The following CFAP70 variants were observed in gnomAD, a reference collection of about 807,000 sequenced individuals.
CFAP70 encodes cilia- and flagella-associated protein 70.
A neutral mutation model predicts 137.6 loss-of-function variants in CFAP70; 81 were observed. That is an observed-to-expected ratio of 0.59 (90% CI 0.49 to 0.71). The LOEUF is 0.71. Among genes scored for constraint, CFAP70 ranks in the 30% least tolerant of loss-of-function variants. The probability of loss-of-function intolerance (pLI) is 0.00; values close to 1 mark genes in which losing one functional copy is unlikely to be tolerated. For missense variants in CFAP70, 976 were observed against 1,226.7 expected (o/e 0.80, Z 3.05); for synonymous variants, 382 against 423.6 (o/e 0.90, Z 1.20).
chr10:73,267,954 G>T (rs763883110), intron 25 of CFAP70, among the ~76,000 whole-genome samples: 1 of 152,172 alleles, frequency 6.6e-6, no homozygotes, highest in Non-Finnish European at 1.5e-5. Context: ...TCAAGCCAGA[G>T]ATGCTATACT....
intron 5 of CFAP70, among the ~76,000 whole-genome samples, chr10:73,344,698 TG>T (rs2053563613): frequency 6.6e-6 from 1 of 152,186 alleles, no homozygotes. Flanking sequence ...CCTAGAAATT[TG>T]GCCTAAGAAA....
chr10:73,288,641 G>A (rs1425591943), intron 19 of CFAP70, among the ~76,000 whole-genome samples: 1 of 152,170 alleles, frequency 6.6e-6, no homozygotes, highest in Admixed American at 6.5e-5. Context: ...AGGACAGTTA[G>A]TTCAACCAGC....
intron 9 of CFAP70, among the ~76,000 whole-genome samples, chr10:73,315,648 T>C (rs2050281563): frequency 1.3e-5 from 2 of 152,132 alleles, no homozygotes; most frequent in South Asian, 2.1e-4. Context: ...GCAGCCTTGA[T>C]TGCCTGCTGG....
At chr10:73,315,463 T>A (rs1305344754) in intron 9 of CFAP70, among the ~76,000 whole-genome samples, 1 of 152,212 alleles carries the variant, frequency 6.6e-6, no homozygotes, top group Admixed American at 6.5e-5. Context: ...TTCACATATA[T>A]GTCTTCGTGT....
intron 4 of CFAP70, among the ~76,000 whole-genome samples, chr10:73,346,132 C>T (rs1239220067): frequency 6.6e-6 from 1 of 151,666 alleles, no homozygotes; most frequent in Admixed American, 6.6e-5. Flanking sequence ...CTCCTGACCT[C>T]GTGATCCAGC....
Position 73,254,987 on chromosome 10 carries a change from G to C in CFAP70, c.3076-932C>G, listed in dbSNP as rs547735631. ...ATTCATAACTAATAGAACAGGCCAG[G>C]CATGTTGGCCCCCACCTGTAATTCC... On this transcript the variant is annotated intron_variant, in intron 26 of 26. Coordinates refer to ENST00000310715, the Ensembl canonical transcript of CFAP70. 5.3e-5 allele frequency among the ~76,000 whole-genome samples: 8 copies of C among 152,304 alleles called. No homozygotes were observed. The South Asian group carries it at 1.7e-3, about 32-fold the overall frequency.
intron 2 of CFAP70, among the ~76,000 whole-genome samples, chr10:73,354,009 A>G (rs984553623): frequency 1.3e-5 from 2 of 150,374 alleles, no homozygotes; most frequent in Admixed American, 1.3e-4. Context: ...ACTGTGGAAC[A>G]TTTTTTTTTC....
Position 73,255,531 on chromosome 10 carries a change from G to A in CFAP70, c.3075+838C>T, listed in dbSNP as rs184873947. Among the ~76,000 whole-genome samples, 36 of 152,306 alleles carry A rather than the reference G, an allele frequency of 2.4e-4. 1 individual carries two copies. Among genetic ancestry groups the A allele is most frequent in the African/African-American group, 8.2e-4 (34 of 41,556 alleles). ...ATCGTGCTACTGCACTCCAGCCTGG[G>A]CAACAGTGCAAGACTCTGTCTCAAA... On this transcript the variant is annotated intron_variant, in intron 26 of 26. Transcript: ENST00000310715.
intron 11 of CFAP70, 112 bp downstream of exon 12, chr10:73,311,721 CA>C (rs2049936559): frequency 3.4e-6 from 3 of 890,508 alleles, no homozygotes; most frequent in Non-Finnish European, 5.5e-6. Context: ...TAGTCATGGG[CA>C]AATATGGAAT....
chr10:73,253,918 T>C, exon 27 of CFAP70: 1 of 1,412,606 alleles, frequency 7.1e-7, no homozygotes. Context: ...GGTAAAACTC[T>C]CTGGGAAGGA....
intron 19 of CFAP70, 49 bp downstream of exon 20, chr10:73,291,177 G>T: frequency 6.4e-7 from 1 of 1,551,908 alleles, no homozygotes; most frequent in Non-Finnish European, 8.9e-7. Flanking sequence ...ACCACACCTG[G>T]CAGTAATTTT....
At chr10:73,277,297 T>G (rs2046828912) in exon 21 of CFAP70, 1 of 1,614,112 alleles carries the variant, frequency 6.2e-7, no homozygotes, top group Non-Finnish European at 8.5e-7. Flanking sequence ...TGGTGGTAGT[T>G]TGAGAAACAC....
chr10:73,329,719 G>A (rs2051873164), intron 8 of CFAP70, among the ~76,000 whole-genome samples: 1 of 152,144 alleles, frequency 6.6e-6, no homozygotes, highest in African/African-American at 2.4e-5. Flanking sequence ...TTAGTTCACA[G>A]ACTCATACAA....
chr10:73,355,817 T>C (rs547866773), intron 1 of CFAP70, among the ~76,000 whole-genome samples: 4 of 152,274 alleles, frequency 2.6e-5, no homozygotes, highest in African/African-American at 9.6e-5. Flanking sequence ...GTAATACTAA[T>C]AGAAATAAAG....
intron 25 of CFAP70, among the ~76,000 whole-genome samples, chr10:73,269,106 C>T (rs2133694231): frequency 6.6e-6 from 1 of 152,318 alleles, no homozygotes; most frequent in South Asian, 2.1e-4. Flanking sequence ...TGGTGTCATA[C>T]TGTCCAGTGG....
chr10:73,317,414 A>C (rs1465419641), intron 9 of CFAP70, among the ~76,000 whole-genome samples: 2 of 152,204 alleles, frequency 1.3e-5, no homozygotes, highest in African/African-American at 4.8e-5. Flanking sequence ...CCATTGTTTC[A>C]GATGAAAAAT....
At chr10:73,286,706 A>AG (rs1438655984) in intron 19 of CFAP70, among the ~76,000 whole-genome samples, 5 of 152,146 alleles carry the variant, frequency 3.3e-5, no homozygotes, top group African/African-American at 1.2e-4. Context: ...ACACACACAG[A>AG]AATATAGAGT....
chr10:73,340,821 G>A (rs1366466448), intron 6 of CFAP70, among the ~76,000 whole-genome samples: 1 of 152,258 alleles, frequency 6.6e-6, no homozygotes, highest in Non-Finnish European at 1.5e-5. Context: ...GCAGAGGCCA[G>A]GCAGCAGGAG....
At chr10:73,351,881 A>C (rs1257268310) in intron 3 of CFAP70, among the ~76,000 whole-genome samples, 2 of 152,194 alleles carry the variant, frequency 1.3e-5, no homozygotes, top group Non-Finnish European at 2.9e-5. Context: ...ACCACCCCAA[A>C]AGGGGAAGGA....
Sources: gnomAD v4.1 joint callset for allele counts (sites outside exome capture counted in the v4.1 genomes callset) on GRCh38, gnomAD v4.1.1 for gene constraint, MANE v1.5 for transcripts, NCBI Gene and HGNC (gene_info 2026-07-23, HGNC 2026-07-21) for gene names.